HMGB1: variants seen among roughly 807,000 people sequenced by gnomAD.
The protein encoded by HMGB1 is high mobility group box 1.
For missense variants in HMGB1, 79 were observed against 253.5 expected (o/e 0.31, Z 4.67); for synonymous variants, 81 against 84.0 (o/e 0.96, Z 0.19).
chr13:30,466,733 T>C (rs1457917498), upstream of HMGB1, among the ~76,000 whole-genome samples: 1 of 152,214 alleles, frequency 6.6e-6, no homozygotes, highest in African/African-American at 2.4e-5. Flanking sequence ...CAAATAATTA[T>C]TCCATGTAAT....
intron 1 of HMGB1, among the ~76,000 whole-genome samples, chr13:30,589,106 A>T (rs1370863368): frequency 6.6e-6 from 1 of 151,110 alleles, no homozygotes; most frequent in Non-Finnish European, 1.5e-5. Context: ...CCCAGGTTTA[A>T]GCGATTCTCC....
chr13:30,528,993 C>G (rs981394414), intron 1 of HMGB1, among the ~76,000 whole-genome samples: 1 of 133,616 alleles, frequency 7.5e-6, no homozygotes, highest in African/African-American at 2.9e-5. Context: ...CGCGCCACTG[C>G]ACTCCAGCCT....
intron 1 of HMGB1, among the ~76,000 whole-genome samples, chr13:30,501,087 G>A (rs1435779125): frequency 6.6e-6 from 1 of 152,150 alleles, no homozygotes. Flanking sequence ...CTCCCAAAAT[G>A]TGAGATTACA....
At chr13:30,485,148 CA>C (rs1451101205) in intron 1 of HMGB1, among the ~76,000 whole-genome samples, 1 of 151,430 alleles carries the variant, frequency 6.6e-6, no homozygotes, top group Admixed American at 6.6e-5. Flanking sequence ...TCTCCTGCCT[CA>C]GCCTCCCAAG....
At chr13:30,572,834 T>A (rs2137535327) in intron 1 of HMGB1, among the ~76,000 whole-genome samples, 1 of 152,366 alleles carries the variant, frequency 6.6e-6, no homozygotes, top group South Asian at 2.1e-4. Context: ...TTAAGCCATT[T>A]CATCTGAAGA....
intron 1 of HMGB1, among the ~76,000 whole-genome samples, chr13:30,476,764 G>A (rs1225345240): frequency 2.0e-5 from 3 of 151,332 alleles, no homozygotes; most frequent in Non-Finnish European, 4.4e-5. Flanking sequence ...TACTAGGGAG[G>A]TTGAGGCACG....
intron 1 of HMGB1, chr13:30,464,392 G>C (rs868782284): frequency 5.1e-6 from 5 of 985,476 alleles, no homozygotes; most frequent in Non-Finnish European, 6.0e-6. Flanking sequence ...ACTCCTGCTC[G>C]TGGCTCGGTG....
intron 1 of HMGB1, among the ~76,000 whole-genome samples, chr13:30,551,090 A>C (rs1336065564): frequency 6.6e-6 from 1 of 152,220 alleles, no homozygotes; most frequent in African/African-American, 2.4e-5. Flanking sequence ...TCAGCAACTG[A>C]AGAAAGCATT....
At chr13:30,488,412 T>G (rs1887408669) in intron 1 of HMGB1, among the ~76,000 whole-genome samples, 1 of 152,184 alleles carries the variant, frequency 6.6e-6, no homozygotes, top group South Asian at 2.1e-4. Context: ...ACAAAAATTT[T>G]AGACCCAAAA....
At chr13:30,615,746 G>A (rs1296163467) in intron 1 of HMGB1, among the ~76,000 whole-genome samples, 1 of 152,130 alleles carries the variant, frequency 6.6e-6, no homozygotes, top group Non-Finnish European at 1.5e-5. Context: ...TGTGGTTAAG[G>A]AATCTAACTT....
At chr13:30,579,625 T>C (rs1870814974) in intron 1 of HMGB1, among the ~76,000 whole-genome samples, 1 of 152,142 alleles carries the variant, frequency 6.6e-6, no homozygotes, top group Non-Finnish European at 1.5e-5. Context: ...AGTTTTAGTT[T>C]CCTCACTAAA....
chr13:30,466,709 A>G (rs1886798794), upstream of HMGB1, among the ~76,000 whole-genome samples: 1 of 152,214 alleles, frequency 6.6e-6, no homozygotes, highest in Non-Finnish European at 1.5e-5. Context: ...GCACTGTCTT[A>G]ACTTCCTGGA....
intron 1 of HMGB1, among the ~76,000 whole-genome samples, chr13:30,489,915 A>G (rs989246092): frequency 6.6e-6 from 1 of 150,684 alleles, no homozygotes; most frequent in Non-Finnish European, 1.5e-5. Context: ...TTGTAATTTT[A>G]GTAGAGACGG....
upstream of HMGB1, among the ~76,000 whole-genome samples, chr13:30,469,332 AG>A (rs1886869384): frequency 6.6e-6 from 1 of 152,214 alleles, no homozygotes; most frequent in Non-Finnish European, 1.5e-5. Context: ...CCTCTAGGAT[AG>A]GGGACGTACC....
chr13:30,473,406 G>A (rs907660992), intron 1 of HMGB1, among the ~76,000 whole-genome samples: 5 of 152,170 alleles, frequency 3.3e-5, no homozygotes, highest in African/African-American at 7.2e-5. Context: ...TACACATGAC[G>A]AGTGGAAAAC....
chr13:30,505,544 CAG>C (rs546401817), intron 1 of HMGB1, among the ~76,000 whole-genome samples: 71 of 152,182 alleles, frequency 4.7e-4, no homozygotes, highest in African/African-American at 1.7e-3. Context: ...CTCCTGGCCT[CAG>C]GTGATCCACC....
At chr13:30,577,944 T>C (rs568367136) in intron 1 of HMGB1, among the ~76,000 whole-genome samples, 11 of 152,282 alleles carry the variant, frequency 7.2e-5, no homozygotes, top group African/African-American at 2.6e-4. Context: ...TAGCATTTCT[T>C]AGAGGCTCCA....
At position 30,460,106 on chromosome 13, in the gene HMGB1, C is replaced by T. The variant is rs1886216065; in HGVS notation, c.*1251G>A. 6.6e-6 allele frequency: 1 copy of T among 152,474 alleles called. No individual in the cohort carries two copies. The highest frequency in any genetic ancestry group is 6.5e-5 in the Admixed American group (1 of 15,274). The allele number at this position is 152,474 out of a possible 1,614,324, so 9.4% of individuals were successfully genotyped here. A position where few individuals can be genotyped will look rare whatever the true frequency, so the allele number is the denominator to read the frequency against. ...TAAACTCCTAAGCAGATAAACATGACTAATGAATGAGTTTGTTTTGTAAAG... is the reference window on the plus strand; with the variant it reads ...TAAACTCCTAAGCAGATAAACATGATTAATGAATGAGTTTGTTTTGTAAAG... On this transcript the variant is annotated 3_prime_UTR_variant, in exon 5 of 5. Coordinates refer to ENST00000341423, the MANE Select transcript of HMGB1 (RefSeq NM_002128.7).
chr13:30,465,438 C>A lies in HMGB1; in HGVS notation c.-15+358G>T, dbSNP rs981668675. ...CCCGCCGCCCCGGCCGCGCTCCGCG[C>A]ACGCCGCCCGCCCGAACGCCCGGCC... On this transcript the variant is annotated intron_variant, in intron 1 of 4. Coordinates refer to ENST00000341423, the MANE Select transcript of HMGB1 (RefSeq NM_002128.7). 8.0e-4 allele frequency among the ~76,000 whole-genome samples: 115 copies of A among 144,254 alleles called. No individual in the cohort carries two copies. In the East Asian group the frequency reaches 0.022, roughly 28 times the overall value. 94.6% of individuals were successfully genotyped at this position (144,254 alleles called of 152,430 possible).
Sources: gnomAD v4.1 joint callset for allele counts (sites outside exome capture counted in the v4.1 genomes callset) on GRCh38, gnomAD v4.1.1 for gene constraint, MANE v1.5 for transcripts, NCBI Gene and HGNC (gene_info 2026-07-23, HGNC 2026-07-21) for gene names.